The following TBX6 variants were observed in gnomAD, a reference collection of about 807,000 sequenced individuals.
TBX6 encodes the protein T-box transcription factor TBX6.
Under a neutral mutation model 42.3 loss-of-function variants are expected in TBX6, and 29 were observed. That is an observed-to-expected ratio of 0.69 (90% confidence interval 0.51 to 0.93). TBX6 has a LOEUF of 0.93. Ranked by LOEUF, TBX6 falls within the 40% of genes least tolerant of loss-of-function variation. The pLI is 0.00. For synonymous variants in TBX6, 249 were observed against 245.1 expected (o/e 1.02, Z -0.15); for missense variants, 569 against 603.3 (o/e 0.94, Z 0.59).
rs746833997 is a variant in TBX6 at position 30,086,635 on chromosome 16, T to C, written c.974A>G (p.Glu325Gly). The change falls in exon 8 of 9, where the codon GAA becomes GGA. Residue 325 changes from glutamate to glycine, a missense_variant. Glu to Gly is a moderately conservative substitution (Grantham distance 98). This residue lies in a region of TBX6 where 245 missense variants were observed against 227.4 expected (regional missense o/e 1.08). Transcript: ENST00000395224. The surrounding 1 kb of genome is among the most constrained non-coding windows in gnomAD (Gnocchi z 4.6). ...GGCTTCCCCGGGGGCTGGGGCCTGT[T>C]CTGGATCTGATTCACGAATGTCTCC... ...LGGDIRESDP[E>G]QAPAPGEATA... 13 of 1,606,956 alleles carry C rather than the reference T, an allele frequency of 8.1e-6. No individual in the cohort carries two copies. The highest frequency in any genetic ancestry group is 1.0e-5 in the Non-Finnish European group (12 of 1,177,484).
Position 30,088,476 on chromosome 16 carries a change from G to T in TBX6, c.839+69C>A, listed in dbSNP as rs1311472087. 3 of 1,603,084 alleles carry T rather than the reference G, an allele frequency of 1.9e-6. No homozygotes were observed. The highest frequency in any genetic ancestry group is 2.6e-6 in the Non-Finnish European group (3 of 1,170,170). On this transcript the variant is annotated intron_variant, in intron 6 of 8. Transcript: ENST00000395224. This position sits in a 1 kb window ranked among gnomAD's most constrained non-coding sequence, Gnocchi z 4.1. ...CTGCATTTCTGATGTCCAGCACGGT[G>T]CCTGGCACACAGTGAGTGATTAATA...
In TBX6 at chr16:30,090,862, C is replaced by A. The variant is rs748483132; in HGVS notation, c.249G>T (p.Glu83Asp). The A allele has an allele frequency of 8.7e-6, 14 of 1,607,032 alleles. No individual in the cohort carries two copies. The Admixed American group carries it at 2.2e-4, about 25-fold the overall frequency. ...MGTEPAPSAP[E>D]ALHSLPGVSL... The stretch of plus-strand genomic sequence containing the variant: ...TGACCCCCGGGAGGGAATGGAGGGC[C>A]TCTGGAGCTGATGGGGCCGGCTCAG... The change falls in exon 3 of 9, where the codon GAG (glutamate) becomes GAT (aspartate). Residue 83 changes from glutamate to aspartate, a missense_variant. Coordinates refer to ENST00000395224, the MANE Select transcript of TBX6 (RefSeq NM_004608.4).
chr16:30,091,500 C>G (rs1012057777), intron 1 of TBX6: 6 of 278,888 alleles, frequency 2.2e-5, no homozygotes, highest in South Asian at 1.3e-4. Context: ...AGGGCTCGGA[C>G]AGGGACGCAG....
intron 3 of TBX6, 94 bp from the exon 4 acceptor site, chr16:30,089,304 G>A (rs1317278255): frequency 2.0e-6 from 3 of 1,475,832 alleles, no homozygotes; most frequent in Admixed American, 4.4e-5. Context: ...GGGCTCCCCA[G>A]AGCTGTCAGA....
At chr16:30,090,517 C>G (rs577522383) in intron 3 of TBX6, among the ~76,000 whole-genome samples, 60 of 152,262 alleles carry the variant, frequency 3.9e-4, no homozygotes, top group Admixed American at 1.6e-3. Context: ...GACCCATGAC[C>G]CTTGCCATAG....
rs1250664403 is a variant in TBX6 at position 30,088,364 on chromosome 16, A to T, written c.839+181T>A. 2.3e-6 allele frequency: 2 copies of T among 853,704 alleles called. No homozygotes were observed. The highest frequency in any genetic ancestry group is 3.7e-6 in the Non-Finnish European group (2 of 544,878). The allele number at this position is 853,704 out of a possible 1,614,324, so 52.9% of individuals were successfully genotyped here. A position where few individuals can be genotyped will look rare whatever the true frequency, so the allele number is the denominator to read the frequency against. ...GGCTTTGGTTTGCTTTGTTTGTTTTATCTCCAGTGCCTGGAACTGTCCCTG... is the reference window on the plus strand; with the variant it reads ...GGCTTTGGTTTGCTTTGTTTGTTTTTTCTCCAGTGCCTGGAACTGTCCCTG... On this transcript the variant is annotated intron_variant, in intron 6 of 8. Coordinates refer to ENST00000395224, the MANE Select transcript of TBX6 (RefSeq NM_004608.4). This position sits in a 1 kb window ranked among gnomAD's most constrained non-coding sequence, Gnocchi z 4.1.
At chr16:30,090,306 C>T (rs185457669) in intron 3 of TBX6, among the ~76,000 whole-genome samples, 25 of 152,274 alleles carry the variant, frequency 1.6e-4, no homozygotes, top group African/African-American at 5.8e-4. Context: ...AAACACTGAC[C>T]GTGTCCCTGC....
At chr16:30,087,949 T>TC (rs2072665324) in intron 6 of TBX6, 2 of 147,316 alleles carry the variant, frequency 1.4e-5, no homozygotes, top group South Asian at 4.2e-4. Context: ...TTTTTTTTTT[T>TC]TTTTTTGAGA....
Position 30,088,381 on chromosome 16 carries a change from C to T in TBX6, c.839+164G>A. Reference sequence around the variant, plus strand: ...TTTGTTTTATCTCCAGTGCCTGGAACTGTCCCTGGCACATAGCAGGTACTA... The same window carrying T: ...TTTGTTTTATCTCCAGTGCCTGGAATTGTCCCTGGCACATAGCAGGTACTA... On this transcript the variant is annotated intron_variant, in intron 6 of 8. Transcript: ENST00000395224. The surrounding 1 kb of genome is among the most constrained non-coding windows in gnomAD (Gnocchi z 4.1). 6.1e-6 allele frequency: 6 copies of T among 988,732 alleles called. No individual in the cohort carries two copies. The highest frequency in any genetic ancestry group is 9.1e-6 in the Non-Finnish European group (6 of 655,740). The allele number at this position is 988,732 out of a possible 1,614,324, so 61.2% of individuals were successfully genotyped here.
In TBX6 at chr16:30,086,091, G is replaced by T; in HGVS notation, c.*134C>A. ...GGTGGGAGTGAAATCAAGGTGTGAA[G>T]TTGAGGGGGTGGGTGGGCAGGCCCA... is the stretch of plus-strand genomic sequence containing the variant. On this transcript the variant is annotated 3_prime_UTR_variant, in exon 9 of 9. Coordinates refer to ENST00000395224, the MANE Select transcript of TBX6 (RefSeq NM_004608.4). The surrounding 1 kb of genome is among the most constrained non-coding windows in gnomAD (Gnocchi z 4.6). 1.2e-6 allele frequency: 1 copy of T among 810,530 alleles called. No individual in the cohort carries two copies. Among genetic ancestry groups the T allele is most frequent in the Non-Finnish European group, 1.9e-6 (1 of 524,572 alleles). The allele number at this position is 810,530 out of a possible 1,614,324, so 50.2% of individuals were successfully genotyped here. A position where few individuals can be genotyped will look rare whatever the true frequency, so the allele number is the denominator to read the frequency against.
chr16:30,091,085 G>C lies in TBX6; in HGVS notation c.109C>G (p.Arg37Gly). ...TGGTCCCAACGCTCACCGGGGTAGC[G>C]GTAGCCCTCCGCTAGGGCGGGTGGG... ...SFPPALAEGY[R>G]YPELDTPKLD... The change falls in exon 2 of 9, where the codon CGC becomes GGC. Residue 37 changes from arginine (R) to glycine (G), a missense_variant. By Grantham distance (125) the Arg-to-Gly change is moderately radical (BLOSUM62 -2). This residue lies in a region of TBX6 where 134 missense variants were observed against 125.3 expected (regional missense o/e 1.07). Coordinates refer to ENST00000395224, the MANE Select transcript of TBX6 (RefSeq NM_004608.4). 6.3e-7 allele frequency: 1 copy of C among 1,584,310 alleles called. No homozygotes were observed. The highest frequency in any genetic ancestry group is 1.3e-5 in the African/African-American group (1 of 74,786).
chr16:30,088,743 G>A lies in TBX6; in HGVS notation c.718C>T (p.Arg240Cys), dbSNP rs746230098. ...SQHWGGMASF[R>C]FPETTFISVT... ...GAGATGAATGTGGTCTCGGGGAAGC[G>A]GAAGGAGGCCATGCCCCCCCAGTGC... The change falls in exon 5 of 9, where the codon CGC becomes TGC. Residue 240 changes from arginine to cysteine, a missense_variant. Physicochemically the swap from Arg to Cys is radical, Grantham distance 180. Around this residue, in one of 3 missense-constraint regions of TBX6, gnomAD observed 190 missense variants for 250.6 expected, o/e 0.76. Transcript: ENST00000395224. This position sits in a 1 kb window ranked among gnomAD's most constrained non-coding sequence, Gnocchi z 4.1. The A allele has an allele frequency of 1.4e-5, 22 of 1,613,954 alleles. No homozygotes were observed. Among genetic ancestry groups the A allele is most frequent in the Admixed American group, 5.0e-5 (3 of 60,004 alleles).
At chr16:30,090,696 C>A (rs1275041421) in intron 3 of TBX6, 62 bp downstream of exon 3, 65 of 1,525,182 alleles carry the variant, frequency 4.3e-5, no homozygotes, top group Non-Finnish European at 5.0e-5. Context: ...GCCCCCTCCC[C>A]AGGGACTCTG....
intron 3 of TBX6, 73 bp downstream of exon 3, chr16:30,090,685 A>G: frequency 8.9e-6 from 13 of 1,461,152 alleles, no homozygotes; most frequent in Non-Finnish European, 1.2e-5. Flanking sequence ...ACCCAGTCCT[A>G]GCCCCCTCCC....
Position 30,086,298 on chromosome 16 carries a change from T to A in TBX6, c.1238A>T (p.Gln413Leu), listed in dbSNP as rs2072626611. ...GTATGGTAGAGGGAAGGGGCCCCCTTGGAGAAAGTGCGGGGCAAAGGGTAC... is the reference window on the plus strand; with the variant it reads ...GTATGGTAGAGGGAAGGGGCCCCCTAGGAGAAAGTGCGGGGCAAAGGGTAC... ...PAVPFAPHFLQGGPFPLPYTA... is the reference protein window; with the variant it reads ...PAVPFAPHFLLGGPFPLPYTA... The change falls in exon 9 of 9, where the codon CAA (glutamine) becomes CTA (leucine). Residue 413 changes from glutamine to leucine, a missense_variant. Physicochemically the swap from Gln to Leu is moderately radical, Grantham distance 113. Coordinates refer to ENST00000395224, the MANE Select transcript of TBX6 (RefSeq NM_004608.4). The surrounding 1 kb of genome is among the most constrained non-coding windows in gnomAD (Gnocchi z 4.6). 9.9e-6 allele frequency: 16 copies of A among 1,611,128 alleles called. No individual in the cohort carries two copies. The highest frequency in any genetic ancestry group is 1.3e-5 in the Non-Finnish European group (15 of 1,179,136).
chr16:30,089,249 C>A, intron 3 of TBX6, 39 bp from the exon 4 acceptor site: 1 of 1,589,768 alleles, frequency 6.3e-7, no homozygotes, highest in South Asian at 1.1e-5. Flanking sequence ...TGGAGCTACC[C>A]ACTGGCCAGG....
Position 30,091,011 on chromosome 16 carries a change from T to G in TBX6, c.119-19A>C. On this transcript the variant is annotated intron_variant, in intron 2 of 8. Transcript: ENST00000395224. ...TCCAGTTCTGGAAGCCGGGGAAGAA[T>G]GAGGAGCCAGCCGAGGGCCACAGCC... 1.2e-6 allele frequency: 2 copies of G among 1,607,020 alleles called. No individual in the cohort carries two copies. Among genetic ancestry groups the G allele is most frequent in the Non-Finnish European group, 1.7e-6 (2 of 1,176,906 alleles).
chr16:30,089,291 A>T, intron 3 of TBX6, 81 bp from the exon 4 acceptor site: 1 of 1,523,694 alleles, frequency 6.6e-7, no homozygotes, highest in Non-Finnish European at 8.9e-7. Flanking sequence ...GGGACATAAC[A>T]ACGGGCTCCC....
chr16:30,088,576 C>CCA lies in TBX6; in HGVS notation c.807_808insTG (p.Gly270TrpfsTer18), dbSNP rs1205968462. ...CAGTTTCTGCCGTTCTCCCGGAAGC[C>CCA]TTTGGCAAAGGGATTGGCTGCAATC... is the stretch of plus-strand genomic sequence containing the variant. On this transcript the variant is annotated frameshift_variant, in exon 6 of 9. Transcript: ENST00000395224. LOFTEE classifies it high-confidence loss of function. This position sits in a 1 kb window ranked among gnomAD's most constrained non-coding sequence, Gnocchi z 4.1. 6.2e-7 allele frequency: 1 copy of CCA among 1,614,202 alleles called. No homozygotes were observed. The highest frequency in any genetic ancestry group is 8.5e-7 in the Non-Finnish European group (1 of 1,180,050).
Sources: allele counts gnomAD v4.1 joint callset (sites outside exome capture counted in the v4.1 genomes callset), GRCh38; gene constraint gnomAD v4.1.1; regional missense constraint gnomAD v4.1.1; non-coding constraint Gnocchi (gnomAD v3.1); transcripts MANE v1.5; gene names NCBI Gene and HGNC (gene_info 2026-07-23, HGNC 2026-07-21).